The following TBC1D9 variants were observed in gnomAD, a reference collection of about 807,000 sequenced individuals.
TBC1D9 encodes TBC1 domain family member 9A.
A neutral mutation model predicts 132.0 loss-of-function variants in TBC1D9; 63 were observed. That is an observed-to-expected ratio of 0.48 (90% CI 0.39 to 0.59). The LOEUF (loss-of-function observed/expected upper bound fraction) is 0.59. Among genes scored for constraint, TBC1D9 ranks in the 20% least tolerant of loss-of-function variants. The probability of loss-of-function intolerance (pLI) is 0.00; values close to 1 mark genes in which losing one functional copy is unlikely to be tolerated. For synonymous variants in TBC1D9, 610 were observed against 609.9 expected, an observed-to-expected ratio of 1.00 and a Z score of 0.00; for missense variants, 1,261 against 1,592.7, an observed-to-expected ratio of 0.79 and a Z score of 3.54.
At chr4:140,709,075 T>A (rs1738189795) in intron 1 of TBC1D9, among the ~76,000 whole-genome samples, 1 of 152,102 alleles carries the variant, frequency 6.6e-6, no homozygotes, top group African/African-American at 2.4e-5. Flanking sequence ...AAGCCTACTA[T>A]GGAATGTTAT....
chr4:140,639,477 C>G, intron 13 of TBC1D9, 49 bp from the exon 14 acceptor site: 1 of 1,302,086 alleles, frequency 7.7e-7, no homozygotes, highest in Non-Finnish European at 1.1e-6. Flanking sequence ...TTACAGCACA[C>G]AATGTCCTGT....
chr4:140,742,698 A>G (rs2111079583), intron 1 of TBC1D9, among the ~76,000 whole-genome samples: 1 of 152,236 alleles, frequency 6.6e-6, no homozygotes, highest in South Asian at 2.1e-4. Flanking sequence ...AATTTCTAGT[A>G]ACTATACATA....
intron 16 of TBC1D9, among the ~76,000 whole-genome samples, chr4:140,631,897 C>G (rs1736800291): frequency 6.6e-6 from 1 of 152,132 alleles, no homozygotes; most frequent in South Asian, 2.1e-4. Flanking sequence ...GGGCCTGGCC[C>G]ATTCTTTAGT....
rs548157122 is a variant in TBC1D9, at chr4:140,652,574, C to A, written c.2337+4523G>T. 9.8e-5 allele frequency among the ~76,000 whole-genome samples: 15 copies of A among 152,308 alleles called. 1 individual carries two copies. The South Asian group carries it at 2.9e-3, about 29-fold the overall frequency. ...TCTAATCCAAATAAAGTCCCTTGGT[C>A]CTGGCTTTAATGCAAGGGAGCTCTT... On this transcript the variant is annotated intron_variant, in intron 13 of 20. Coordinates refer to ENST00000442267, the MANE Select transcript of TBC1D9 (RefSeq NM_015130.3).
chr4:140,691,289 C>A (rs932089880), intron 2 of TBC1D9, among the ~76,000 whole-genome samples: 1 of 152,198 alleles, frequency 6.6e-6, no homozygotes, highest in Non-Finnish European at 1.5e-5. Flanking sequence ...TGGACCACTC[C>A]TTAAAAACCT....
chr4:140,697,340 C>A (rs1027439323), intron 2 of TBC1D9, among the ~76,000 whole-genome samples: 1 of 152,096 alleles, frequency 6.6e-6, no homozygotes, highest in Admixed American at 6.6e-5. Flanking sequence ...CAAGATCATG[C>A]CACTGAACTC....
chr4:140,622,960 A>G lies in TBC1D9; in HGVS notation c.3079-43T>C, dbSNP rs746348046. On this transcript the variant is annotated intron_variant, in intron 20 of 20. Coordinates refer to ENST00000442267, the MANE Select transcript of TBC1D9 (RefSeq NM_015130.3). ...AAAACACAATGTGAAATCTTGGGGG[A>G]GCAGAAAGGCAGCACTGAAGTGGAC... The G allele has an allele frequency of 2.7e-6, 4 of 1,468,938 alleles. No homozygotes were observed. The Admixed American group carries it at 9.3e-5, about 34-fold the overall frequency. 91.0% of individuals were successfully genotyped at this position (1,468,938 alleles called of 1,614,324 possible). A position where few individuals can be genotyped will look rare whatever the true frequency, so the allele number is the denominator to read the frequency against.
chr4:140,697,085 A>G (rs2111035527), intron 2 of TBC1D9, among the ~76,000 whole-genome samples: 1 of 152,312 alleles, frequency 6.6e-6, no homozygotes, highest in East Asian at 1.9e-4. Context: ...AGAAAGAACA[A>G]TTAATAGGTG....
At chr4:140,728,445 A>G (rs1738533240) in intron 1 of TBC1D9, among the ~76,000 whole-genome samples, 1 of 150,578 alleles carries the variant, frequency 6.6e-6, no homozygotes, top group Admixed American at 6.6e-5. Flanking sequence ...CTTTCAATTA[A>G]TTTAAGTTAG....
chr4:140,693,732 A>G (rs1737910736), intron 2 of TBC1D9, among the ~76,000 whole-genome samples: 1 of 152,210 alleles, frequency 6.6e-6, no homozygotes, highest in African/African-American at 2.4e-5. Flanking sequence ...CCCAACTAAC[A>G]TACATTTAGC....
At chr4:140,733,299 T>G (rs1738626643) in intron 1 of TBC1D9, among the ~76,000 whole-genome samples, 1 of 151,964 alleles carries the variant, frequency 6.6e-6, no homozygotes, top group Non-Finnish European at 1.5e-5. Context: ...ATTATGTGAT[T>G]TTTTTTTAAA....
At position 140,695,972 on chromosome 4, in the gene TBC1D9, T is replaced by G. The variant is rs577470059; in HGVS notation, c.241+5532A>C. Among the ~76,000 whole-genome samples, 19 of 152,318 alleles carry G rather than the reference T, an allele frequency of 1.2e-4. 1 individual carries two copies. The South Asian group carries it at 3.9e-3, about 32-fold the overall frequency. Reference sequence around the variant, plus strand: ...CAAACTATTAAGCATAATGCTTAATTGTAGGCTAGAATTGTTGACATAATG... The same window carrying G: ...CAAACTATTAAGCATAATGCTTAATGGTAGGCTAGAATTGTTGACATAATG... On this transcript the variant is annotated intron_variant, in intron 2 of 20. Transcript: ENST00000442267.
chr4:140,754,439 C>A (rs1738972083), intron 1 of TBC1D9, among the ~76,000 whole-genome samples: 1 of 151,488 alleles, frequency 6.6e-6, no homozygotes, highest in South Asian at 2.1e-4. Context: ...CATGGTGAAA[C>A]CCCATCTATT....
intron 6 of TBC1D9, among the ~76,000 whole-genome samples, chr4:140,674,619 TAG>T (rs1470146882): frequency 7.2e-5 from 11 of 151,814 alleles, no homozygotes; most frequent in Non-Finnish European, 1.5e-4. Context: ...AGCTCATGTC[TAG>T]TCTGTGCAAT....
At chr4:140,655,901 T>C (rs1292407597) in intron 13 of TBC1D9, among the ~76,000 whole-genome samples, 1 of 152,144 alleles carries the variant, frequency 6.6e-6, no homozygotes, top group Non-Finnish European at 1.5e-5. Context: ...AATTGATTTG[T>C]GAAGGTCAGC....
chr4:140,750,940 G>A (rs1254593110), intron 1 of TBC1D9, among the ~76,000 whole-genome samples: 2 of 151,798 alleles, frequency 1.3e-5, no homozygotes, highest in African/African-American at 4.8e-5. Flanking sequence ...GGTCACATCT[G>A]GATAAACTCA....
At chr4:140,722,722 G>T (rs952107874) in intron 1 of TBC1D9, among the ~76,000 whole-genome samples, 1 of 152,058 alleles carries the variant, frequency 6.6e-6, no homozygotes, top group Non-Finnish European at 1.5e-5. Flanking sequence ...ATTATTTTCT[G>T]CTCCAGGCTG....
intron 1 of TBC1D9, among the ~76,000 whole-genome samples, chr4:140,712,458 A>ATATATATATATATG (rs1227842807): frequency 4.1e-5 from 6 of 145,712 alleles, no homozygotes; most frequent in Middle Eastern, 3.5e-3. Context: ...GAATATATAT[A>ATATATATATATATG]TATGCCAGGT....
chr4:140,624,789 T>C (rs1736680262), intron 18 of TBC1D9, among the ~76,000 whole-genome samples: 2 of 152,186 alleles, frequency 1.3e-5, no homozygotes, highest in Admixed American at 1.3e-4. Flanking sequence ...GCGTGGCTCA[T>C]GCCTGTAATC....
Sources: allele counts gnomAD v4.1 joint callset (sites outside exome capture counted in the v4.1 genomes callset), GRCh38; gene constraint gnomAD v4.1.1; transcripts MANE v1.5; gene names NCBI Gene and HGNC (gene_info 2026-07-23, HGNC 2026-07-21).